The following AQR variants were observed in gnomAD, a reference collection of about 807,000 sequenced individuals.
The protein encoded by AQR is RNA helicase aquarius.
AQR carries 61 observed loss-of-function variants against 180.5 expected under a neutral mutation model. The ratio of observed to expected loss-of-function variants is 0.34; its 90% confidence interval spans 0.28 to 0.42. The LOEUF (loss-of-function observed/expected upper bound fraction) is 0.42. AQR is among the 10% of genes least tolerant of loss of function. AQR has a pLI of 1.00. For missense variants in AQR, 1,281 were observed against 1,798.3 expected, an observed-to-expected ratio of 0.71 and a Z score of 5.20; for synonymous variants, 551 against 588.8, an observed-to-expected ratio of 0.94 and a Z score of 0.93.
intron 19 of AQR, among the ~76,000 whole-genome samples, chr15:34,901,762 T>C (rs1241225844): frequency 6.6e-6 from 1 of 152,204 alleles, no homozygotes; most frequent in East Asian, 1.9e-4. Context: ...TACTTGGTTA[T>C]TTGTTTTATC....
intron 23 of AQR, among the ~76,000 whole-genome samples, chr15:34,890,659 T>A (rs1199091115): frequency 6.6e-6 from 1 of 152,160 alleles, no homozygotes; most frequent in Admixed American, 6.5e-5. Context: ...AGCATTTCCT[T>A]GGGTTACAGA....
At chr15:34,887,608 T>C (rs1893082772) in intron 24 of AQR, among the ~76,000 whole-genome samples, 1 of 152,192 alleles carries the variant, frequency 6.6e-6, no homozygotes, top group African/African-American at 2.4e-5. Context: ...TCCCAAATTC[T>C]ATGCACATTC....
chr15:34,937,943 A>G (rs891506645), intron 9 of AQR, among the ~76,000 whole-genome samples: 34 of 149,986 alleles, frequency 2.3e-4, no homozygotes, highest in Non-Finnish European at 3.8e-4. Flanking sequence ...ATTTTAATAT[A>G]GTATATATAT....
chr15:34,911,287 T>C (rs1232429872), intron 16 of AQR, among the ~76,000 whole-genome samples: 3 of 152,332 alleles, frequency 2.0e-5, no homozygotes, highest in Admixed American at 6.5e-5. Flanking sequence ...AGTGATTTTA[T>C]TTCCTTTGGA....
In AQR at chr15:34,886,509, A is replaced by G; in HGVS notation, c.2817+17T>C. On this transcript the variant is annotated intron_variant, in intron 25 of 34. Transcript: ENST00000156471. Reference sequence around the variant, plus strand: ...ATATTATGATGAAGTATGATTCAAAAACCCTTAATATCTTACCTGGTATAA... The same window carrying G: ...ATATTATGATGAAGTATGATTCAAAGACCCTTAATATCTTACCTGGTATAA... 1 of 1,587,182 alleles carries G rather than the reference A, an allele frequency of 6.3e-7. No homozygotes were observed. The highest frequency in any genetic ancestry group is 8.5e-7 in the Non-Finnish European group (1 of 1,172,588).
At chr15:34,917,697 T>C (rs1182828467) in intron 15 of AQR, among the ~76,000 whole-genome samples, 1 of 152,028 alleles carries the variant, frequency 6.6e-6, no homozygotes, top group African/African-American at 2.4e-5. Context: ...GAAAACAGTC[T>C]TATGGTCAGC....
At chr15:34,953,423 A>G (rs1245862846) in intron 3 of AQR, among the ~76,000 whole-genome samples, 1 of 152,242 alleles carries the variant, frequency 6.6e-6, no homozygotes, top group Non-Finnish European at 1.5e-5. Context: ...GAAATAGATC[A>G]GAACACTGTC....
At chr15:34,931,609 G>A (rs114054794) in intron 11 of AQR, among the ~76,000 whole-genome samples, 2,753 of 152,138 alleles carry the variant, frequency 0.018, 74 homozygotes, top group African/African-American at 0.058. Context: ...GGAGTGTGAG[G>A]CCACCTGGGC....
intron 27 of AQR, among the ~76,000 whole-genome samples, chr15:34,881,159 A>G (rs1016715686): frequency 3.9e-5 from 6 of 152,214 alleles, no homozygotes; most frequent in African/African-American, 1.4e-4. Flanking sequence ...TTAATATCAA[A>G]GTATATTTTA....
chr15:34,861,653 T>C (rs930669774), intron 33 of AQR, among the ~76,000 whole-genome samples: 1 of 152,162 alleles, frequency 6.6e-6, no homozygotes, highest in African/African-American at 2.4e-5. Context: ...ATGTGCCTGT[T>C]TACTAGCCCA....
At chr15:34,925,940 G>A (rs896797413) in intron 13 of AQR, among the ~76,000 whole-genome samples, 4 of 152,022 alleles carry the variant, frequency 2.6e-5, no homozygotes, top group South Asian at 2.1e-4. Context: ...AGGCTGAGGC[G>A]GGCAGATCAC....
intron 11 of AQR, among the ~76,000 whole-genome samples, chr15:34,930,681 A>G (rs1893837956): frequency 6.6e-6 from 1 of 152,232 alleles, no homozygotes; most frequent in Non-Finnish European, 1.5e-5. Context: ...CCAGCATTTT[A>G]ATGAAACAAA....
At chr15:34,926,788 C>T (rs1055665877) in intron 13 of AQR, among the ~76,000 whole-genome samples, 1 of 152,106 alleles carries the variant, frequency 6.6e-6, no homozygotes, top group African/African-American at 2.4e-5. Context: ...TTATATTCTA[C>T]TCTGAGAAAA....
chr15:34,930,407 A>C, intron 11 of AQR, 36 bp from the exon 12 acceptor site: 1 of 1,203,164 alleles, frequency 8.3e-7, no homozygotes, highest in Non-Finnish European at 1.2e-6. Context: ...AATCATATGA[A>C]CATAAGGGCA....
intron 26 of AQR, among the ~76,000 whole-genome samples, chr15:34,884,291 C>T (rs1893021799): frequency 6.6e-6 from 1 of 151,838 alleles, no homozygotes. Flanking sequence ...CCTGTAATCC[C>T]AGCTGCTCGG....
chr15:34,914,393 T>G (rs1222379587), intron 16 of AQR, among the ~76,000 whole-genome samples: 1 of 152,178 alleles, frequency 6.6e-6, no homozygotes, highest in Non-Finnish European at 1.5e-5. Context: ...ATTTCAGACA[T>G]GAGCTAGCAG....
At chr15:34,951,507 C>T (rs1427715156) in intron 4 of AQR, among the ~76,000 whole-genome samples, 1 of 151,960 alleles carries the variant, frequency 6.6e-6, no homozygotes, top group Non-Finnish European at 1.5e-5. Flanking sequence ...CTCGTCTCTA[C>T]TAAAAATACA....
chr15:34,945,627 T>C (rs1268156574), intron 5 of AQR, among the ~76,000 whole-genome samples: 4 of 152,208 alleles, frequency 2.6e-5, no homozygotes, highest in African/African-American at 9.6e-5. Context: ...TAGGCTCTCT[T>C]GATAGTGACA....
intron 17 of AQR, among the ~76,000 whole-genome samples, chr15:34,909,789 T>C (rs1369820112): frequency 1.3e-5 from 2 of 152,230 alleles, no homozygotes; most frequent in Non-Finnish European, 2.9e-5. Flanking sequence ...AATATTTTTA[T>C]TCTTTTATAT....
Sources: gnomAD v4.1 joint callset for allele counts (sites outside exome capture counted in the v4.1 genomes callset) on GRCh38, gnomAD v4.1.1 for gene constraint, MANE v1.5 for transcripts, NCBI Gene and HGNC (gene_info 2026-07-23, HGNC 2026-07-21) for gene names.